Variants in PLEKHA7 observed in about 807,000 individuals in gnomAD.
The protein encoded by PLEKHA7 is pleckstrin homology domain-containing family A member 7.
A neutral mutation model predicts 170.0 loss-of-function variants in PLEKHA7; 104 were observed. The observed-to-expected ratio is 0.61, with a 90% CI of 0.52 to 0.72. The LOEUF (loss-of-function observed/expected upper bound fraction) is 0.72. Among genes scored for constraint, PLEKHA7 ranks in the 30% least tolerant of loss-of-function variants. PLEKHA7 has a pLI of 0.00. For synonymous variants in PLEKHA7, 648 were observed against 660.8 expected (o/e 0.98, Z 0.30); for missense variants, 1,615 against 1,671.7 (o/e 0.97, Z 0.59).
At chr11:16,957,810 TCTC>T (rs1861801935) in intron 3 of PLEKHA7, among the ~76,000 whole-genome samples, 1 of 149,908 alleles carries the variant, frequency 6.7e-6, no homozygotes, top group Admixed American at 6.7e-5. Context: ...TTCAAGCAAT[TCTC>T]CTGCCTTGGC....
chr11:16,836,255 G>A (rs1391630082), intron 9 of PLEKHA7, among the ~76,000 whole-genome samples: 1 of 152,216 alleles, frequency 6.6e-6, no homozygotes, highest in African/African-American at 2.4e-5. Flanking sequence ...TAACACACAG[G>A]TGGGAAGAGC....
Position 16,896,586 on chromosome 11 carries a change from T to A in PLEKHA7, c.222-25404A>T, listed in dbSNP as rs113509801. On this transcript the variant is annotated intron_variant, in intron 3 of 26. Transcript: ENST00000531066. ...ATGGCTGCAACAGTCCCTAAGCCCA[T>A]CATCCTATCTCTGCACCCACCCACC... Among the ~76,000 whole-genome samples, 286 of 152,232 alleles carry A rather than the reference T, an allele frequency of 1.9e-3. 3 individuals are homozygous for A. The highest frequency in any genetic ancestry group is 6.5e-3 in the African/African-American group (269 of 41,544).
Position 16,804,413 on chromosome 11 carries a change from T to C in PLEKHA7, c.2008-1118A>G, listed in dbSNP as rs192152083. On this transcript the variant is annotated intron_variant, in intron 13 of 26. Coordinates refer to ENST00000531066, the MANE Select transcript of PLEKHA7 (RefSeq NM_001329630.2). ...GTCCAGGAAGTTTGTCAGTGTGGAT[T>C]GGGGGTGGAAATAAATTGGCAAACA... 1.6e-4 allele frequency among the ~76,000 whole-genome samples: 25 copies of C among 152,192 alleles called. No homozygotes were observed. The East Asian group carries it at 2.1e-3, about 13-fold the overall frequency.
At position 16,829,295 on chromosome 11, in the gene PLEKHA7, G is replaced by A. The variant is rs555238431; in HGVS notation, c.873-2705C>T. Among the ~76,000 whole-genome samples, 29 of 152,106 alleles carry A rather than the reference G, an allele frequency of 1.9e-4. 1 individual carries two copies. The South Asian group carries it at 5.2e-3, about 27-fold the overall frequency. ...CCCCCAAAGTTTTATGATTACAAGC[G>A]TGAGCCACCCTGCCGGGGGCCTAAA... is the stretch of plus-strand genomic sequence containing the variant. On this transcript the variant is annotated intron_variant, in intron 9 of 26. Coordinates refer to ENST00000531066, the MANE Select transcript of PLEKHA7 (RefSeq NM_001329630.2).
chr11:16,948,241 C>A (rs1280514298), intron 3 of PLEKHA7, among the ~76,000 whole-genome samples: 1 of 152,100 alleles, frequency 6.6e-6, no homozygotes, highest in African/African-American at 2.4e-5. Flanking sequence ...GAAATAAGTT[C>A]AAGAGATCTA....
chr11:16,803,286 G>C lies in PLEKHA7; in HGVS notation c.2017C>G (p.Arg673Gly), dbSNP rs760552278. The change falls in exon 14 of 27, where the codon CGG becomes GGG. Residue 673 changes from arginine to glycine, a missense_variant. By Grantham distance (125) the Arg-to-Gly change is moderately radical (BLOSUM62 -2). Transcript: ENST00000531066. ...AGACTTCGATCCTTGAGAAGGTCCCGGCCTGTCATCTGGGAGGCGAACAAT... is the reference window on the plus strand; with the variant it reads ...AGACTTCGATCCTTGAGAAGGTCCCCGCCTGTCATCTGGGAGGCGAACAAT... ...LEYLDLKMTG[R>G]DLLKDRSLKP... 1 of 1,613,460 alleles carries C rather than the reference G, an allele frequency of 6.2e-7. No individual in the cohort carries two copies.
intron 3 of PLEKHA7, among the ~76,000 whole-genome samples, chr11:16,984,723 T>C (rs930966501): frequency 5.9e-5 from 9 of 152,244 alleles, no homozygotes; most frequent in African/African-American, 2.2e-4. Flanking sequence ...CTCCTGCTAA[T>C]ACGTAAGCTC....
intron 3 of PLEKHA7, among the ~76,000 whole-genome samples, chr11:16,920,282 C>T (rs1228120321): frequency 1.3e-5 from 2 of 152,180 alleles, no homozygotes; most frequent in East Asian, 3.9e-4. Context: ...TAGCACAGTG[C>T]TTTACATAAA....
chr11:16,830,964 C>T (rs1851056617), intron 9 of PLEKHA7, among the ~76,000 whole-genome samples: 1 of 152,178 alleles, frequency 6.6e-6, no homozygotes, highest in Non-Finnish European at 1.5e-5. Context: ...TATGCCAGTG[C>T]TTCCTGGAAA....
intron 9 of PLEKHA7, among the ~76,000 whole-genome samples, chr11:16,833,874 T>C (rs1851309235): frequency 6.6e-6 from 1 of 152,198 alleles, no homozygotes. Flanking sequence ...GCTAGAGACA[T>C]TTTTCTTTCA....
chr11:17,006,334 A>C (rs993744295), intron 3 of PLEKHA7, among the ~76,000 whole-genome samples: 7 of 151,520 alleles, frequency 4.6e-5, no homozygotes, highest in African/African-American at 1.5e-4. Context: ...ATCTAAAAAA[A>C]AAAAAAAAAC....
chr11:16,873,780 C>T (rs1454612091), intron 3 of PLEKHA7, among the ~76,000 whole-genome samples: 1 of 152,184 alleles, frequency 6.6e-6, no homozygotes, highest in Non-Finnish European at 1.5e-5. Context: ...GATTCTCCTG[C>T]CTTAGCCTCC....
intron 3 of PLEKHA7, among the ~76,000 whole-genome samples, chr11:16,916,892 T>C (rs2136207050): frequency 6.6e-6 from 1 of 152,308 alleles, no homozygotes; most frequent in Middle Eastern, 3.4e-3. Flanking sequence ...CCTGGATTAA[T>C]AGCCCTATTC....
intron 4 of PLEKHA7, among the ~76,000 whole-genome samples, chr11:16,859,892 G>A (rs1431702428): frequency 6.6e-6 from 1 of 152,248 alleles, no homozygotes; most frequent in Admixed American, 6.5e-5. Flanking sequence ...GACTGCTGCT[G>A]TCCTCAAATA....
chr11:16,901,394 T>C (rs1044441167), intron 3 of PLEKHA7, among the ~76,000 whole-genome samples: 3 of 152,208 alleles, frequency 2.0e-5, no homozygotes, highest in East Asian at 1.9e-4. Context: ...GACAAACTAA[T>C]ATAAGCCAAA....
intron 3 of PLEKHA7, among the ~76,000 whole-genome samples, chr11:16,968,131 A>C (rs958735921): frequency 2.0e-5 from 3 of 152,174 alleles, no homozygotes; most frequent in Non-Finnish European, 4.4e-5. Flanking sequence ...TACCCACAGG[A>C]AGTCATCTAG....
intron 3 of PLEKHA7, among the ~76,000 whole-genome samples, chr11:16,937,574 G>A (rs1860392368): frequency 1.3e-5 from 2 of 151,914 alleles, no homozygotes; most frequent in South Asian, 2.1e-4. Flanking sequence ...AAACAAACTA[G>A]GAAGCACTTA....
chr11:16,908,340 T>C (rs1233186536), intron 3 of PLEKHA7, among the ~76,000 whole-genome samples: 1 of 151,586 alleles, frequency 6.6e-6, no homozygotes, highest in African/African-American at 2.4e-5. Flanking sequence ...TGACTGGTGT[T>C]CTCATAAGAG....
At chr11:16,870,901 C>T (rs1266197064) in intron 4 of PLEKHA7, among the ~76,000 whole-genome samples, 198 bp downstream of exon 4, 1 of 152,188 alleles carries the variant, frequency 6.6e-6, no homozygotes, top group Non-Finnish European at 1.5e-5. Flanking sequence ...ATCAACTCTC[C>T]TCTTCCATAT....
Sources: allele counts gnomAD v4.1 joint callset (sites outside exome capture counted in the v4.1 genomes callset), GRCh38; gene constraint gnomAD v4.1.1; transcripts MANE v1.5; gene names NCBI Gene and HGNC (gene_info 2026-07-23, HGNC 2026-07-21).